KLHDC7B: variants seen among roughly 807,000 people sequenced by gnomAD.
KLHDC7B encodes the protein kelch domain containing 7B.
Under a neutral mutation model 0.6 loss-of-function variants are expected in KLHDC7B, and 1 was observed. That is an observed-to-expected ratio of 1.71 (90% CI 0.61 to 8.11). The LOEUF (loss-of-function observed/expected upper bound fraction) is 8.11, where lower values mean the gene tolerates loss of function less well. KLHDC7B is among the 30% of genes most tolerant of loss of function. The pLI is 0.13. For synonymous variants in KLHDC7B, 462 were observed against 405.2 expected (o/e 1.14, Z -1.68); for missense variants, 993 against 894.9 (o/e 1.11, Z -1.40).
At position 50,547,206 on chromosome 22, in the gene KLHDC7B, C is replaced by T. The variant is rs1374268728; in HGVS notation, c.963C>T (p.Ala321=). 6.6e-6 allele frequency among the ~76,000 whole-genome samples: 1 copy of T among 151,884 alleles called. No individual in the cohort carries two copies. Among genetic ancestry groups the T allele is most frequent in the Non-Finnish European group, 1.5e-5 (1 of 67,898 alleles). Residue 321 remains alanine (A), a synonymous_variant, in exon 1 of 1, where the codon GCC becomes GCT. Coordinates refer to ENST00000648057, the MANE Select transcript of KLHDC7B (RefSeq NM_138433.5). ...GCAGGGAGGCCTCGGGGGTCCCTGC[C>T]CCCGGAGGAGGCTGGCCCTGGGTCA... is the stretch of plus-strand genomic sequence containing the variant. ...GWSREASGVP[A]PGGGWPWVSR...
In KLHDC7B at chr22:50,547,739, C is replaced by A. The variant is rs1290246865; in HGVS notation, c.1496C>A (p.Thr499Asn). The change falls in exon 1 of 1, where the codon ACC becomes AAC. Residue 499 changes from threonine to asparagine, a missense_variant. Coordinates refer to ENST00000648057, the MANE Select transcript of KLHDC7B (RefSeq NM_138433.5). Reference protein sequence around the residue: ...SSAPTSATTSTSSPTSAPAPA... With the variant: ...SSAPTSATTSNSSPTSAPAPA... ...GCACCAACCTCAGCCACCACCTCAA[C>A]CTCATCCCCCACCTCAGCCCCAGCC... is the stretch of plus-strand genomic sequence containing the variant. 1.0e-5 allele frequency: 5 copies of A among 492,490 alleles called. No individual in the cohort carries two copies. The Admixed American group carries it at 1.1e-4, about 11-fold the overall frequency. 30.5% of individuals were successfully genotyped at this position (492,490 alleles called of 1,614,324 possible).
Position 50,546,547 on chromosome 22 carries a change from G to T in KLHDC7B, c.304G>T (p.Gly102Cys). 2.5e-6 allele frequency: 1 copy of T among 398,740 alleles called. No individual in the cohort carries two copies. Among genetic ancestry groups the T allele is most frequent in the Non-Finnish European group, 4.4e-6 (1 of 225,990 alleles). 24.7% of individuals were successfully genotyped at this position (398,740 alleles called of 1,614,324 possible). ...GGGGAAACCAGAGCCCCCAGGACGCGGCCAGCAGAGCCCTGTCCCTGCTGC... is the reference window on the plus strand; with the variant it reads ...GGGGAAACCAGAGCCCCCAGGACGCTGCCAGCAGAGCCCTGTCCCTGCTGC... ...GQGKPEPPGR[G>C]QQSPVPAAAP... The change falls in exon 1 of 1, where the codon GGC becomes TGC. Residue 102 changes from glycine to cysteine, a missense_variant. By Grantham distance (159) the Gly-to-Cys change is radical. Coordinates refer to ENST00000648057, the MANE Select transcript of KLHDC7B (RefSeq NM_138433.5).
In KLHDC7B at chr22:50,546,833, C is replaced by G. The variant is rs1454186176; in HGVS notation, c.590C>G (p.Ala197Gly). The change falls in exon 1 of 1, where the codon GCG (alanine) becomes GGG (glycine). Residue 197 changes from alanine (A) to glycine (G), a missense_variant. Physicochemically the swap from Ala to Gly is moderately conservative, Grantham distance 60. Coordinates refer to ENST00000648057, the MANE Select transcript of KLHDC7B (RefSeq NM_138433.5). ...GAGGCGGAGACAGGTGGTGTCAGGG[C>G]GTCCTCTCGCCAGGCCGCAGGCCCC... ...EAEAETGGVRASSRQAAGPAG... is the reference protein window; with the variant it reads ...EAEAETGGVRGSSRQAAGPAG... Among the ~76,000 whole-genome samples the G allele has an allele frequency of 6.6e-6, 1 of 152,038 alleles. No individual in the cohort carries two copies. Among genetic ancestry groups the G allele is most frequent in the Non-Finnish European group, 1.5e-5 (1 of 67,954 alleles).
In KLHDC7B at chr22:50,549,633, G is replaced by T. The variant is rs140519; in HGVS notation, c.3390G>T (p.Val1130=). 0.47 allele frequency: 734,428 copies of T among 1,555,092 alleles called. 177,356 individuals carry two copies. Among genetic ancestry groups the T allele is most frequent in the East Asian group, 0.62 (27,263 of 44,248 alleles). ...SASHRRSSDI[V]ALGGFLYRFD... ...GCCACCGGCGTTCCAGCGACATCGT[G>T]GCACTGGGGGGCTTCCTGTACCGCT... The change falls in exon 1 of 1, where the codon GTG becomes GTT. Residue 1130 remains valine (V), a synonymous_variant. Coordinates refer to ENST00000648057, the MANE Select transcript of KLHDC7B (RefSeq NM_138433.5).
chr22:50,549,676 G>T lies in KLHDC7B; in HGVS notation c.3433G>T (p.Val1145Leu). 1 of 1,554,028 alleles carries T rather than the reference G, an allele frequency of 6.4e-7. No homozygotes were observed. ...GTACCGCTTCGACCTGCTGCGGGGC[G>T]TGGGCGCCGCCGTGATGCGCTACAA... ...FLYRFDLLRG[V>L]GAAVMRYNTV... The change falls in exon 1 of 1, where the codon GTG becomes TTG. Residue 1145 changes from valine (V) to leucine (L), a missense_variant. Coordinates refer to ENST00000648057, the MANE Select transcript of KLHDC7B (RefSeq NM_138433.5).
At position 50,549,571 on chromosome 22, in the gene KLHDC7B, G is replaced by C; in HGVS notation, c.3328G>C (p.Val1110Leu). The C allele has an allele frequency of 1.3e-6, 2 of 1,581,772 alleles. No individual in the cohort carries two copies. The highest frequency in any genetic ancestry group is 2.3e-5 in the South Asian group (2 of 87,482). The change falls in exon 1 of 1, where the codon GTG (valine) becomes CTG (leucine). Residue 1110 changes from valine to leucine, a missense_variant. Transcript: ENST00000648057. ...CTACCGCCTGCTCAGGTACAGCCCC[G>C]TGAAGGATGCTTGGGACGAGTGCCC... Reference protein sequence around the residue: ...LFYRLLRYSPVKDAWDECPYS... With the variant: ...LFYRLLRYSPLKDAWDECPYS...
chr22:50,548,556 A>G lies in KLHDC7B; in HGVS notation c.2313A>G (p.Leu771=). ...GGCGCTCACAGCCGGTACCCCAGCT[A>G]CGGAAACGCAGCAGGTGCGAAATCG... is the stretch of plus-strand genomic sequence containing the variant. ...SARRSQPVPQ[L]RKRSRCEIAP... is the part of the protein sequence containing the mutation. Residue 771 remains leucine, a synonymous_variant, in exon 1 of 1, where the codon CTA becomes CTG. Coordinates refer to ENST00000648057, the MANE Select transcript of KLHDC7B (RefSeq NM_138433.5). The surrounding 1 kb of genome is among the most constrained non-coding windows in gnomAD (Gnocchi z 5.3). 1.3e-6 allele frequency: 2 copies of G among 1,549,564 alleles called. No homozygotes were observed. The highest frequency in any genetic ancestry group is 1.7e-6 in the Non-Finnish European group (2 of 1,147,688).
Position 50,546,957 on chromosome 22 carries a change from G to C in KLHDC7B, c.714G>C (p.Ser238=), listed in dbSNP as rs547031109. Among the ~76,000 whole-genome samples the C allele has an allele frequency of 4.6e-3, 703 of 151,712 alleles. 2 individuals carry two copies. Among genetic ancestry groups the C allele is most frequent in the Admixed American group, 0.01 (154 of 15,238 alleles). Residue 238 remains serine, a synonymous_variant, in exon 1 of 1, where the codon TCG becomes TCC. Coordinates refer to ENST00000648057, the MANE Select transcript of KLHDC7B (RefSeq NM_138433.5). ...RGRRRRMDAG[S]GDRARRPRKL... ...GGCGGCGGCGGATGGACGCTGGCTC[G>C]GGAGACAGAGCCCGCCGCCCCCGGA...
chr22:50,549,871 T>A lies in KLHDC7B; in HGVS notation c.3628T>A (p.Phe1210Ile), dbSNP rs954385824. 10 of 1,586,818 alleles carry A rather than the reference T, an allele frequency of 6.3e-6. No homozygotes were observed. Among genetic ancestry groups the A allele is most frequent in the Non-Finnish European group, 8.6e-6 (10 of 1,165,756 alleles). ...GTTCCAGGCCAAGGAGCTGCAGCCC[T>A]TCCCCTTGGGGAGCACCGGGGTCCT... ...AQFQAKELQPFPLGSTGVLSP... is the reference protein window; with the variant it reads ...AQFQAKELQPIPLGSTGVLSP... The change falls in exon 1 of 1, where the codon TTC becomes ATC. Residue 1210 changes from phenylalanine (F) to isoleucine (I), a missense_variant. Physicochemically the swap from Phe to Ile is conservative, Grantham distance 21. Transcript: ENST00000648057.
At position 50,549,831 on chromosome 22, in the gene KLHDC7B, TG is replaced by T; in HGVS notation, c.1671del (p.Thr558LeufsTer25). 3 of 1,585,022 alleles carry T rather than the reference TG, an allele frequency of 1.9e-6. No homozygotes were observed. The highest frequency in any genetic ancestry group is 1.1e-5 in the South Asian group (1 of 88,396). On this transcript the variant is annotated frameshift_variant, in exon 1 of 1. Transcript: ENST00000395676. LOFTEE classifies it low-confidence loss of function (END_TRUNC). ...AGGTCACTGCCACCTTCACGGTCTC[TG>T]GGGGGACTGCCCAGTTCCAGGCCAA...
Position 50,548,153 on chromosome 22 carries a change from G to C in KLHDC7B, c.1910G>C (p.Gly637Ala). The C allele has an allele frequency of 6.7e-7, 1 of 1,488,892 alleles. No individual in the cohort carries two copies. The allele number at this position is 1,488,892 out of a possible 1,614,324, so 92.2% of individuals were successfully genotyped here. The change falls in exon 1 of 1, where the codon GGA (glycine) becomes GCA (alanine). Residue 637 changes from glycine (G) to alanine (A), a missense_variant. Transcript: ENST00000648057. This position sits in a 1 kb window ranked among gnomAD's most constrained non-coding sequence, Gnocchi z 5.3. ...YQEGQVSASW[G>A]NLIAMVLRSH... ...GAGGGGCAGGTCTCAGCCAGCTGGG[G>C]AAACCTTATTGCCATGGTTCTTAGA...
chr22:50,548,486 C>G lies in KLHDC7B; in HGVS notation c.2243C>G (p.Pro748Arg), dbSNP rs1371731159. 1.3e-6 allele frequency: 2 copies of G among 1,570,522 alleles called. No individual in the cohort carries two copies. Among genetic ancestry groups the G allele is most frequent in the Non-Finnish European group, 1.7e-6 (2 of 1,157,950 alleles). ...QAAMPRGPAQPPAQRPPGPAA... is the reference protein window; with the variant it reads ...QAAMPRGPAQRPAQRPPGPAA... ...GCGATGCCCAGGGGCCCCGCACAGC[C>G]CCCCGCGCAGAGGCCGCCTGGCCCC... Residue 748 changes from proline to arginine, a missense_variant, in exon 1 of 1, where the codon CCC becomes CGC. Transcript: ENST00000648057. This position sits in a 1 kb window ranked among gnomAD's most constrained non-coding sequence, Gnocchi z 5.3.
In KLHDC7B at chr22:50,548,136, G is replaced by C; in HGVS notation, c.1893G>C (p.Gln631His). ...TCCCCAGGCGCTACCAGGAGGGGCA[G>C]GTCTCAGCCAGCTGGGGAAACCTTA... The part of the protein sequence containing the change: ...VALPRRYQEG[Q>H]VSASWGNLIA... Residue 631 changes from glutamine to histidine, a missense_variant, in exon 1 of 1, where the codon CAG becomes CAC. Coordinates refer to ENST00000648057, the MANE Select transcript of KLHDC7B (RefSeq NM_138433.5). The surrounding 1 kb of genome is among the most constrained non-coding windows in gnomAD (Gnocchi z 5.3). The C allele has an allele frequency of 6.8e-7, 1 of 1,471,228 alleles. No homozygotes were observed. Among genetic ancestry groups the C allele is most frequent in the Non-Finnish European group, 9.0e-7 (1 of 1,108,258 alleles). The allele number at this position is 1,471,228 out of a possible 1,614,324, so 91.1% of individuals were successfully genotyped here. A position where few individuals can be genotyped will look rare whatever the true frequency, so the allele number is the denominator to read the frequency against.
rs980776318 is a variant in KLHDC7B, at chr22:50,546,425, C to G, written c.182C>G (p.Ala61Gly). The G allele has an allele frequency of 6.3e-5, 25 of 399,226 alleles. No homozygotes were observed. The highest frequency in any genetic ancestry group is 7.1e-5 in the Non-Finnish European group (16 of 226,314). 24.7% of individuals were successfully genotyped at this position (399,226 alleles called of 1,614,324 possible). A position where few individuals can be genotyped will look rare whatever the true frequency, so the allele number is the denominator to read the frequency against. The change falls in exon 1 of 1, where the codon GCC becomes GGC. Residue 61 changes from alanine (A) to glycine (G), a missense_variant. Ala to Gly is a moderately conservative substitution (Grantham distance 60). Coordinates refer to ENST00000648057, the MANE Select transcript of KLHDC7B (RefSeq NM_138433.5). ...GAGGCGGCAGAACCGGTGTCCACAG[C>G]CCTCGGGGCTCAACCTCATCAGGCA... is the stretch of plus-strand genomic sequence containing the variant. ...DQEAAEPVST[A>G]LGAQPHQAGG...
rs1004132385 is a variant in KLHDC7B at position 50,545,985 on chromosome 22, AGCTGGTGGG to A, written c.-257_-249del. ...CCTACGAGGAGGAGAAGAGGGCAGG[AGCTGGTGGG>A]GTGCTTGCAGAGACCCTGGGCTCCT... On this transcript the variant is annotated 5_prime_UTR_variant, in exon 1 of 1. Transcript: ENST00000648057. Among the ~76,000 whole-genome samples, 1 of 120,346 alleles carries A rather than the reference AGCTGGTGGG, an allele frequency of 8.3e-6. No homozygotes were observed. Among genetic ancestry groups the A allele is most frequent in the East Asian group, 3.3e-4 (1 of 3,064 alleles). The allele number at this position is 120,346 out of a possible 152,430, so 79.0% of individuals were successfully genotyped here. A position where few individuals can be genotyped will look rare whatever the true frequency, so the allele number is the denominator to read the frequency against.
At position 50,547,245 on chromosome 22, in the gene KLHDC7B, G is replaced by A. The variant is rs1195422818; in HGVS notation, c.1002G>A (p.Pro334=). 2.0e-5 allele frequency among the ~76,000 whole-genome samples: 3 copies of A among 151,926 alleles called. No homozygotes were observed. Among genetic ancestry groups the A allele is most frequent in the Non-Finnish European group, 4.4e-5 (3 of 67,904 alleles). The change falls in exon 1 of 1, where the codon CCG becomes CCA. Residue 334 remains proline, a synonymous_variant. Coordinates refer to ENST00000648057, the MANE Select transcript of KLHDC7B (RefSeq NM_138433.5). The part of the protein sequence containing the change: ...GGWPWVSREV[P]GTRSFGPAPD... ...GGCCCTGGGTCAGCAGGGAGGTCCC[G>A]GGCACCCGGAGCTTTGGCCCAGCCC...
rs569134520 is a variant in KLHDC7B at position 50,549,224 on chromosome 22, A to G, written c.2981A>G (p.His994Arg). 9.3e-6 allele frequency: 15 copies of G among 1,608,722 alleles called. No homozygotes were observed. The South Asian group carries it at 1.2e-4, about 13-fold the overall frequency. ...CGGGGCTGCGGTCTCTGCACCATGC[A>G]CAACTACCTGTTTCTGGCGGGGGGC... Reference protein sequence around the residue: ...PLRGCGLCTMHNYLFLAGGIR... With the variant: ...PLRGCGLCTMRNYLFLAGGIR... The change falls in exon 1 of 1, where the codon CAC (histidine) becomes CGC (arginine). Residue 994 changes from histidine (H) to arginine (R), a missense_variant. His to Arg is a conservative substitution (Grantham distance 29, BLOSUM62 0). Coordinates refer to ENST00000648057, the MANE Select transcript of KLHDC7B (RefSeq NM_138433.5).
In KLHDC7B at chr22:50,548,057, C is replaced by T; in HGVS notation, c.1814C>T (p.Pro605Leu). Residue 605 changes from proline (P) to leucine (L), a missense_variant, in exon 1 of 1, where the codon CCA becomes CTA. Coordinates refer to ENST00000648057, the MANE Select transcript of KLHDC7B (RefSeq NM_138433.5). This position sits in a 1 kb window ranked among gnomAD's most constrained non-coding sequence, Gnocchi z 5.3. Reference protein sequence around the residue: ...PAPTSAPTPTPAASPAPADGS... With the variant: ...PAPTSAPTPTLAASPAPADGS... ...CCCACCTCAGCCCCAACCCCAACCCCAGCCGCATCCCCTGCCCCAGCTGAC... is the reference window on the plus strand; with the variant it reads ...CCCACCTCAGCCCCAACCCCAACCCTAGCCGCATCCCCTGCCCCAGCTGAC... The T allele has an allele frequency of 7.7e-7, 1 of 1,296,882 alleles. No homozygotes were observed. Among genetic ancestry groups the T allele is most frequent in the Admixed American group, 3.5e-5 (1 of 28,172 alleles). The allele number at this position is 1,296,882 out of a possible 1,614,324, so 80.3% of individuals were successfully genotyped here.
Position 50,548,500 on chromosome 22 carries a change from C to G in KLHDC7B, c.2257C>G (p.Pro753Ala), listed in dbSNP as rs2069759759. 2 of 1,557,394 alleles carry G rather than the reference C, an allele frequency of 1.3e-6. No homozygotes were observed. Among genetic ancestry groups the G allele is most frequent in the South Asian group, 1.2e-5 (1 of 84,922 alleles). Residue 753 changes from proline to alanine, a missense_variant, in exon 1 of 1, where the codon CCG becomes GCG. Physicochemically the swap from Pro to Ala is conservative, Grantham distance 27. Transcript: ENST00000648057. This position sits in a 1 kb window ranked among gnomAD's most constrained non-coding sequence, Gnocchi z 5.3. ...RGPAQPPAQR[P>A]PGPAASSSAR... ...CCCCGCACAGCCCCCCGCGCAGAGGCCGCCTGGCCCCGCGGCCTCCTCCTC... is the reference window on the plus strand; with the variant it reads ...CCCCGCACAGCCCCCCGCGCAGAGGGCGCCTGGCCCCGCGGCCTCCTCCTC...
Sources: allele counts gnomAD v4.1 joint callset (sites outside exome capture counted in the v4.1 genomes callset), GRCh38; gene constraint gnomAD v4.1.1; non-coding constraint Gnocchi (gnomAD v3.1); transcripts MANE v1.5; gene names NCBI Gene and HGNC (gene_info 2026-07-23, HGNC 2026-07-21).